Variants in NCOA2 observed in about 807,000 individuals in gnomAD.
The protein encoded by NCOA2 is class E basic helix-loop-helix protein 75.
NCOA2 carries 21 observed loss-of-function variants against 145.1 expected under a neutral mutation model. The observed-to-expected ratio is 0.14, with a 90% CI of 0.10 to 0.21. The LOEUF (loss-of-function observed/expected upper bound fraction) is 0.21. NCOA2 is among the 10% of genes least tolerant of loss of function. The probability of loss-of-function intolerance (pLI) is 1.00; values close to 1 mark genes in which losing one functional copy is unlikely to be tolerated. For synonymous variants in NCOA2, 619 were observed against 637.5 expected, an observed-to-expected ratio of 0.97 and a Z score of 0.44; for missense variants, 1,472 against 1,837.6, an observed-to-expected ratio of 0.80 and a Z score of 3.64.
At chr8:70,198,190 C>T (rs1586058660) in intron 4 of NCOA2, among the ~76,000 whole-genome samples, 1 of 152,152 alleles carries the variant, frequency 6.6e-6, no homozygotes, top group Non-Finnish European at 1.5e-5. Flanking sequence ...AAGGTTCCTC[C>T]ACAAAAGAGC....
intron 12 of NCOA2, among the ~76,000 whole-genome samples, chr8:70,147,127 C>T (rs12547855): frequency 0.76 from 109,205 of 144,462 alleles, 40,947 homozygotes; most frequent in East Asian, 0.87. Flanking sequence ...CGCGCGCGCG[C>T]GTGTGTGTGT....
In NCOA2 at chr8:70,321,793, C is replaced by CTT. The variant is rs559680322; in HGVS notation, c.-76-24995_-76-24994dup. Among the ~76,000 whole-genome samples, 582 of 73,554 alleles carry CTT rather than the reference C, an allele frequency of 7.9e-3. 71 individuals carry two copies. The highest frequency in any genetic ancestry group is 0.015 in the African/African-American group (246 of 15,888). 48.3% of individuals were successfully genotyped at this position (73,554 alleles called of 152,430 possible). A position where few individuals can be genotyped will look rare whatever the true frequency, so the allele number is the denominator to read the frequency against. ...TGCTTTCCTAAGTTTCAGAATATAC[C>CTT]TTTTTTTTTTTTTTTTTTTTTTTTT... On this transcript the variant is annotated intron_variant, in intron 1 of 22. Transcript: ENST00000452400.
intron 1 of NCOA2, among the ~76,000 whole-genome samples, chr8:70,363,431 A>C (rs1810400069): frequency 6.6e-6 from 1 of 152,100 alleles, no homozygotes; most frequent in Non-Finnish European, 1.5e-5. Context: ...CAACCTAGTA[A>C]GCCCACTCCT....
Position 70,128,979 on chromosome 8 carries a change from C to T in NCOA2, c.3326G>A (p.Ser1109Asn). The T allele has an allele frequency of 3.8e-6, 6 of 1,594,874 alleles. No individual in the cohort carries two copies. The highest frequency in any genetic ancestry group is 5.1e-6 in the Non-Finnish European group (6 of 1,169,592). Reference protein sequence around the residue: ...ALGIPELVSQSQAVDPEQFSS... With the variant: ...ALGIPELVSQNQAVDPEQFSS... ...GAACTGTTCTGGATCTACTGCTTGGCTCTGGAGAGAAAGTCCCAAATAACA... is the reference window on the plus strand; with the variant it reads ...GAACTGTTCTGGATCTACTGCTTGGTTCTGGAGAGAAAGTCCCAAATAACA... Residue 1109 changes from serine (S) to asparagine (N), a missense_variant and splice_region_variant, in exon 17 of 23, where the codon AGC becomes AAC. Coordinates refer to ENST00000452400, the MANE Select transcript of NCOA2 (RefSeq NM_006540.4).
the NCOA2 span, among the ~76,000 whole-genome samples, chr8:70,449,748 G>A: frequency 5.3e-5 from 8 of 152,236 alleles, no homozygotes; most frequent in African/African-American, 1.7e-4. Flanking sequence ...CAGGAGGTCT[G>A]CAGGGGCAGA....
intron 2 of NCOA2, among the ~76,000 whole-genome samples, chr8:70,227,638 T>G (rs186387091): frequency 6.6e-4 from 100 of 152,278 alleles, no homozygotes; most frequent in African/African-American, 2.4e-3. Context: ...GAGGCAATGG[T>G]TGACATTAAT....
chr8:70,131,426 C>A (rs1250967832), intron 16 of NCOA2, among the ~76,000 whole-genome samples: 1 of 152,210 alleles, frequency 6.6e-6, no homozygotes, highest in East Asian at 1.9e-4. Flanking sequence ...CTATCACCAG[C>A]CCACAGGTGT....
chr8:70,167,448 G>A (rs1813742937), intron 6 of NCOA2, among the ~76,000 whole-genome samples: 1 of 152,062 alleles, frequency 6.6e-6, no homozygotes, highest in African/African-American at 2.4e-5. Flanking sequence ...CTCTCCATAG[G>A]TACTCATGCT....
At chr8:70,310,550 C>A (rs1805025697) in intron 1 of NCOA2, among the ~76,000 whole-genome samples, 2 of 151,928 alleles carry the variant, frequency 1.3e-5, no homozygotes, top group East Asian at 1.9e-4. Context: ...GTAATGAATT[C>A]TTTTTATTTT....
At chr8:70,357,660 G>A (rs185058875) in intron 1 of NCOA2, among the ~76,000 whole-genome samples, 5 of 152,218 alleles carry the variant, frequency 3.3e-5, no homozygotes, top group African/African-American at 1.2e-4. Flanking sequence ...AGAATGGCGT[G>A]AACCTGGGAG....
intron 1 of NCOA2, among the ~76,000 whole-genome samples, chr8:70,376,592 A>C (rs982935277): frequency 1.2e-4 from 19 of 152,218 alleles, no homozygotes; most frequent in African/African-American, 4.1e-4. Flanking sequence ...GAATAGATTT[A>C]ACATCTTAGA....
At chr8:70,347,484 T>TA (rs1029525985) in intron 1 of NCOA2, among the ~76,000 whole-genome samples, 144 of 137,274 alleles carry the variant, frequency 1.0e-3, no homozygotes, top group Middle Eastern at 3.6e-3. Context: ...GACTCCATCT[T>TA]AAAAAAAAAA....
chr8:70,453,110 T>G, the NCOA2 span, among the ~76,000 whole-genome samples: 1 of 152,186 alleles, frequency 6.6e-6, no homozygotes. Context: ...AAGTAGAACC[T>G]TCAGATAGAG....
the NCOA2 span, among the ~76,000 whole-genome samples, chr8:70,449,031 C>T: frequency 3.9e-5 from 6 of 152,102 alleles, 1 homozygote; most frequent in Admixed American, 2.6e-4. Flanking sequence ...GTCTCAAACT[C>T]CTGGCCTTAA....
intron 9 of NCOA2, among the ~76,000 whole-genome samples, chr8:70,162,481 C>T (rs1813138241): frequency 6.6e-6 from 1 of 152,202 alleles, no homozygotes; most frequent in South Asian, 2.1e-4. Context: ...ATGACCTCTT[C>T]CTCCTTTTGC....
At chr8:70,374,054 C>CT (rs1811451938) in intron 1 of NCOA2, among the ~76,000 whole-genome samples, 1 of 152,062 alleles carries the variant, frequency 6.6e-6, no homozygotes, top group South Asian at 2.1e-4. Context: ...TCACTCACTG[C>CT]TGAATGGGGG....
At position 70,243,832 on chromosome 8, in the gene NCOA2, A is replaced by T. The variant is rs1822378972; in HGVS notation, c.-19-27068T>A. 6.0e-5 allele frequency among the ~76,000 whole-genome samples: 9 copies of T among 151,124 alleles called. No individual in the cohort carries two copies. In the South Asian group the frequency reaches 8.3e-4, roughly 14 times the overall value. Reference sequence around the variant, plus strand: ...AAGAATGTGGGAGAATACGATAGTTAAAAAAAATCCCAAATTAACTGCTTA... The same window carrying T: ...AAGAATGTGGGAGAATACGATAGTTTAAAAAAATCCCAAATTAACTGCTTA... On this transcript the variant is annotated intron_variant, in intron 2 of 22. Transcript: ENST00000452400.
At chr8:70,325,683 G>A (rs537629681) in intron 1 of NCOA2, among the ~76,000 whole-genome samples, 6 of 152,280 alleles carry the variant, frequency 3.9e-5, no homozygotes, top group South Asian at 2.1e-4. Flanking sequence ...GATTACAGGC[G>A]TGAGCTATCG....
At chr8:70,276,279 G>A (rs1191025862) in intron 2 of NCOA2, among the ~76,000 whole-genome samples, 1 of 152,120 alleles carries the variant, frequency 6.6e-6, no homozygotes, top group African/African-American at 2.4e-5. Context: ...TCTCAGGAAA[G>A]ACAAATAAAT....
Sources: gnomAD v4.1 joint callset for allele counts (sites outside exome capture counted in the v4.1 genomes callset) on GRCh38, gnomAD v4.1.1 for gene constraint, MANE v1.5 for transcripts, NCBI Gene and HGNC (gene_info 2026-07-23, HGNC 2026-07-21) for gene names.